Variants in PTPRD observed in about 807,000 individuals in gnomAD.
The protein encoded by PTPRD is protein tyrosine phosphatase receptor type D, also known as receptor-type tyrosine-protein phosphatase delta.
PTPRD carries 34 observed loss-of-function variants against 214.5 expected under a neutral mutation model. That is an observed-to-expected ratio of 0.16 (90% CI 0.12 to 0.21). The LOEUF is 0.21. Among genes scored for constraint, PTPRD ranks in the 10% least tolerant of loss-of-function variants. The probability of loss-of-function intolerance (pLI) is 1.00; values close to 1 mark genes in which losing one functional copy is unlikely to be tolerated. For missense variants in PTPRD, 2,545 were observed against 2,398.7 expected (o/e 1.06, Z -1.27); for synonymous variants, 1,128 against 845.7 (o/e 1.33, Z -5.79).
intron 5 of PTPRD, among the ~76,000 whole-genome samples, chr9:9,898,557 T>C (rs1396452754): frequency 1.3e-5 from 2 of 152,094 alleles, no homozygotes; most frequent in African/African-American, 4.8e-5. Context: ...GCGCATGCTA[T>C]TTCAATTTAA....
chr9:9,934,845 G>A lies in PTPRD; in HGVS notation c.-368+3662C>T, dbSNP rs982143984. Among the ~76,000 whole-genome samples, 110 of 152,106 alleles carry A rather than the reference G, an allele frequency of 7.2e-4. 2 individuals carry two copies. Among genetic ancestry groups the A allele is most frequent in the African/African-American group, 2.4e-3 (101 of 41,460 alleles). On this transcript the variant is annotated intron_variant, in intron 5 of 45. Coordinates refer to ENST00000381196, the MANE Select transcript of PTPRD (RefSeq NM_002839.4). ...ATCCTCAATAAAATACTGGCAAAAC[G>A]AATCCAGCAGCACATCAAAAAGCTT...
At chr9:10,125,423 T>TA (rs1554686398) in intron 3 of PTPRD, among the ~76,000 whole-genome samples, 2 of 133,556 alleles carry the variant, frequency 1.5e-5, no homozygotes, top group East Asian at 2.2e-4. Flanking sequence ...TTTGTTTTAT[T>TA]TTATTATTAT....
chr9:8,505,853 T>C (rs772722188), intron 22 of PTPRD, among the ~76,000 whole-genome samples: 1 of 152,122 alleles, frequency 6.6e-6, no homozygotes. Flanking sequence ...ATATGTATGT[T>C]TGTGTCTATG....
chr9:9,595,317 A>G (rs969373510), intron 7 of PTPRD, among the ~76,000 whole-genome samples: 102 of 75,376 alleles, frequency 1.4e-3, no homozygotes, highest in Non-Finnish European at 2.3e-3. Context: ...TATATTATAT[A>G]TATTTTATAT....
chr9:8,504,489 C>A (rs1399694358), intron 22 of PTPRD, 84 bp from the exon 23 acceptor site: 1 of 1,454,602 alleles, frequency 6.9e-7, no homozygotes, highest in African/African-American at 1.4e-5. Context: ...CATCAGATTT[C>A]TATCATCAGG....
intron 14 of PTPRD, among the ~76,000 whole-genome samples, chr9:8,561,486 AC>A (rs1481958531): frequency 1.9e-4 from 29 of 152,222 alleles, no homozygotes; most frequent in African/African-American, 6.5e-4. Flanking sequence ...GTGAGTACAA[AC>A]TATAACACAG....
At chr9:9,249,856 T>C (rs748079426) in intron 9 of PTPRD, among the ~76,000 whole-genome samples, 4 of 152,096 alleles carry the variant, frequency 2.6e-5, no homozygotes, top group Admixed American at 6.6e-5. Context: ...TAAATATTCT[T>C]TCAGACTTCA....
intron 3 of PTPRD, among the ~76,000 whole-genome samples, chr9:10,191,432 G>A (rs1259114341): frequency 6.6e-6 from 1 of 152,060 alleles, no homozygotes; most frequent in African/African-American, 2.4e-5. Flanking sequence ...AGAGGCTAAT[G>A]CTATTTTATG....
chr9:9,911,544 T>G (rs894554261), intron 5 of PTPRD, among the ~76,000 whole-genome samples: 8 of 152,120 alleles, frequency 5.3e-5, no homozygotes, highest in Non-Finnish European at 1.2e-4. Flanking sequence ...TAAAATGCAG[T>G]GTAAAATTTA....
At chr9:9,472,294 C>T (rs920099946) in intron 8 of PTPRD, among the ~76,000 whole-genome samples, 32 of 150,846 alleles carry the variant, frequency 2.1e-4, no homozygotes, top group Non-Finnish European at 4.4e-4. Flanking sequence ...AGCTCCGCTT[C>T]CCGGGTTCAC....
At chr9:9,335,361 A>C (rs997676754) in intron 9 of PTPRD, among the ~76,000 whole-genome samples, 11 of 152,202 alleles carry the variant, frequency 7.2e-5, no homozygotes, top group Admixed American at 5.9e-4. Context: ...TTTAGAGTGA[A>C]GAACAAGATT....
At chr9:10,586,874 G>C (rs1275922566) in intron 2 of PTPRD, among the ~76,000 whole-genome samples, 3 of 147,322 alleles carry the variant, frequency 2.0e-5, no homozygotes, top group Non-Finnish European at 4.5e-5. Context: ...ATTTTCCTTT[G>C]TTTTTTAACC....
At chr9:9,999,462 C>T (rs969359742) in intron 4 of PTPRD, among the ~76,000 whole-genome samples, 1 of 152,190 alleles carries the variant, frequency 6.6e-6, no homozygotes, top group Non-Finnish European at 1.5e-5. Flanking sequence ...AATATTAGAA[C>T]TTCTTTTTAA....
At chr9:10,376,847 G>A (rs1453301666) in intron 2 of PTPRD, among the ~76,000 whole-genome samples, 4 of 151,740 alleles carry the variant, frequency 2.6e-5, no homozygotes, top group African/African-American at 4.8e-5. Flanking sequence ...TGTAATAGTC[G>A]CATCATGTAA....
chr9:8,406,127 C>G (rs536033257), intron 35 of PTPRD, among the ~76,000 whole-genome samples: 1 of 152,098 alleles, frequency 6.6e-6, no homozygotes, highest in Admixed American at 6.6e-5. Context: ...ATTATCCATA[C>G]CTTAGAGTCT....
Position 10,315,256 on chromosome 9 carries a change from C to G in PTPRD, c.-545+25707G>C, listed in dbSNP as rs535627369. Among the ~76,000 whole-genome samples the G allele has an allele frequency of 4.6e-5, 7 of 151,930 alleles. No homozygotes were observed. The South Asian group carries it at 1.5e-3, about 32-fold the overall frequency. ...TTTGTTTTTAAAATAAGGTCAATCA[C>G]AGATTGCATGATTTGGGAAGCCAGC... On this transcript the variant is annotated intron_variant, in intron 3 of 45. Transcript: ENST00000381196.
rs560565232 is a variant in PTPRD at position 9,142,748 on chromosome 9, G to A, written c.-143+40556C>T. On this transcript the variant is annotated intron_variant, in intron 10 of 45. Transcript: ENST00000381196. ...CCTGTAATTGAATTCTATTTTTCTGGTGGTTTTTATTTTTAAAGTATTTTC... is the reference window on the plus strand; with the variant it reads ...CCTGTAATTGAATTCTATTTTTCTGATGGTTTTTATTTTTAAAGTATTTTC... Among the ~76,000 whole-genome samples, 87 of 152,258 alleles carry A rather than the reference G, an allele frequency of 5.7e-4. 1 individual carries two copies. The highest frequency in any genetic ancestry group is 2.0e-3 in the African/African-American group (83 of 41,544).
intron 11 of PTPRD, among the ~76,000 whole-genome samples, chr9:8,934,495 A>ATT (rs74193165): frequency 0.074 from 331 of 4,456 alleles, 21 homozygotes; most frequent in East Asian, 0.29. Flanking sequence ...ATATATATAA[A>ATT]TATATATATA....
chr9:10,458,261 A>G (rs73390361), intron 2 of PTPRD, among the ~76,000 whole-genome samples: 2,178 of 152,254 alleles, frequency 0.014, 38 homozygotes, highest in African/African-American at 0.044. Flanking sequence ...CTATAGGCCA[A>G]TATCTCTGAA....
Sources: allele counts gnomAD v4.1 joint callset (sites outside exome capture counted in the v4.1 genomes callset), GRCh38; gene constraint gnomAD v4.1.1; transcripts MANE v1.5; gene names NCBI Gene and HGNC (gene_info 2026-07-23, HGNC 2026-07-21).